Variants in SUGT1 observed in about 807,000 individuals in gnomAD.
The protein encoded by SUGT1 is SGT1 assembly cochaperone of MIS12 kinetochore complex.
Under a neutral mutation model 56.1 loss-of-function variants are expected in SUGT1, and 15 were observed. That is an observed-to-expected ratio of 0.27 (90% CI 0.18 to 0.41). The LOEUF (loss-of-function observed/expected upper bound fraction) is 0.41, where lower values mean the gene tolerates loss of function less well. Among genes scored for constraint, SUGT1 ranks in the 10% least tolerant of loss-of-function variants. SUGT1 has a pLI of 1.00. For missense variants in SUGT1, 347 were observed against 382.2 expected (o/e 0.91, Z 0.77); for synonymous variants, 123 against 128.6 (o/e 0.96, Z 0.30).
At chr13:52,684,006 C>A (rs957576497) in intron 12 of SUGT1, among the ~76,000 whole-genome samples, 12 of 152,100 alleles carry the variant, frequency 7.9e-5, no homozygotes. Flanking sequence ...TCAGCCTCTC[C>A]AGTAGCTGGG....
At chr13:52,665,296 A>G (rs1962648725) in intron 8 of SUGT1, among the ~76,000 whole-genome samples, 2 of 152,164 alleles carry the variant, frequency 1.3e-5, no homozygotes, top group African/African-American at 4.8e-5. Flanking sequence ...TAAAAACTCT[A>G]TTGATGGCAT....
At position 52,690,358 on chromosome 13, in the gene SUGT1, TGTTCCCTCTTTG is replaced by T. The variant is rs1379700925; in HGVS notation, c.*2524_*2535del. ...CTGCTATCTCAATGTAGCTATTAAT[TGTTCCCTCTTTG>T]TTTCTAGACTCCAATTTTCATTTCT... On this transcript the variant is annotated 3_prime_UTR_variant, in exon 13 of 13. Transcript: ENST00000310528. 1 of 151,740 alleles carries T rather than the reference TGTTCCCTCTTTG, an allele frequency of 6.6e-6. No homozygotes were observed. The highest frequency in any genetic ancestry group is 2.4e-5 in the African/African-American group (1 of 41,350). The allele number at this position is 151,740 out of a possible 1,614,324, so 9.4% of individuals were successfully genotyped here. A position where few individuals can be genotyped will look rare whatever the true frequency, so the allele number is the denominator to read the frequency against.
At chr13:52,661,269 T>C (rs1486682745) in intron 5 of SUGT1, among the ~76,000 whole-genome samples, 2 of 152,120 alleles carry the variant, frequency 1.3e-5, no homozygotes, top group Non-Finnish European at 2.9e-5. Context: ...CAGGAAACTT[T>C]TTTTGTTGTT....
intron 4 of SUGT1, among the ~76,000 whole-genome samples, chr13:52,658,731 C>T (rs1962282719): frequency 1.0e-5 from 1 of 99,808 alleles, no homozygotes; most frequent in Non-Finnish European, 1.9e-5. Flanking sequence ...TGATAGATTT[C>T]ACATTGCTTT....
intron 7 of SUGT1, 44 bp from the exon 8 acceptor site, chr13:52,663,991 A>G (rs764761397): frequency 7.5e-6 from 12 of 1,601,782 alleles, no homozygotes; most frequent in Non-Finnish European, 1.0e-5. Flanking sequence ...CTGACTTGTA[A>G]AAATCTTTCT....
chr13:52,676,741 T>C (rs1963158481), intron 11 of SUGT1, among the ~76,000 whole-genome samples: 1 of 152,208 alleles, frequency 6.6e-6, no homozygotes. Context: ...TTGCCTGGAA[T>C]TTGCAGGGCT....
At chr13:52,663,961 T>G (rs1460261220) in intron 7 of SUGT1, 74 bp from the exon 8 acceptor site, 1 of 1,387,340 alleles carries the variant, frequency 7.2e-7, no homozygotes, top group Non-Finnish European at 1.0e-6. Context: ...TACATGCATT[T>G]TAATAATACA....
intron 8 of SUGT1, among the ~76,000 whole-genome samples, chr13:52,664,790 G>A (rs1962619164): frequency 6.6e-6 from 1 of 152,178 alleles, no homozygotes; most frequent in Non-Finnish European, 1.5e-5. Flanking sequence ...GGCAGCAGCA[G>A]GGGTAGGGCA....
chr13:52,669,708 CAT>C (rs147194529), intron 10 of SUGT1, among the ~76,000 whole-genome samples: 3 of 150,198 alleles, frequency 2.0e-5, no homozygotes, highest in South Asian at 4.2e-4. Context: ...TTTTATATAC[CAT>C]ATATATATAT....
intron 11 of SUGT1, among the ~76,000 whole-genome samples, chr13:52,678,905 A>G (rs1963257555): frequency 6.6e-6 from 1 of 151,536 alleles, no homozygotes; most frequent in Non-Finnish European, 1.5e-5. Flanking sequence ...CTGGTCTCAC[A>G]CTTCTGGCCT....
At chr13:52,682,575 T>C (rs1040104863) in intron 12 of SUGT1, among the ~76,000 whole-genome samples, 1 of 152,340 alleles carries the variant, frequency 6.6e-6, no homozygotes, top group East Asian at 1.9e-4. Flanking sequence ...AGGTTCCTTT[T>C]TGTGGGGTGG....
intron 12 of SUGT1, among the ~76,000 whole-genome samples, chr13:52,681,630 TCCCTTG>T (rs777995068): frequency 7.1e-4 from 108 of 152,036 alleles, no homozygotes; most frequent in Non-Finnish European, 1.3e-3. Flanking sequence ...GGCCACAGGA[TCCCTTG>T]AGGCTAGACC....
Position 52,680,175 on chromosome 13 carries a change from G to A in SUGT1, c.900+20G>A. The stretch of plus-strand genomic sequence containing the variant: ...TCCTTTGTAAGAATATAAACTTAAA[G>A]AAATATATATGGGAGCAAATTTTAC... On this transcript the variant is annotated intron_variant, in intron 12 of 12. Coordinates refer to ENST00000310528, the MANE Select transcript of SUGT1 (RefSeq NM_006704.5). The A allele has an allele frequency of 6.5e-7, 1 of 1,545,206 alleles. No homozygotes were observed. The highest frequency in any genetic ancestry group is 8.6e-7 in the Non-Finnish European group (1 of 1,156,372).
chr13:52,677,603 C>T (rs1963200598), intron 11 of SUGT1, among the ~76,000 whole-genome samples: 1 of 152,114 alleles, frequency 6.6e-6, no homozygotes, highest in South Asian at 2.1e-4. Context: ...CTTAGTATTC[C>T]TCCCATTTTG....
intron 4 of SUGT1, among the ~76,000 whole-genome samples, chr13:52,658,827 T>C (rs1184455433): frequency 6.6e-6 from 1 of 151,756 alleles, no homozygotes; most frequent in Non-Finnish European, 1.5e-5. Context: ...ATAGGCTACA[T>C]TTAATGCTAT....
rs78882546 is a variant in SUGT1 at position 52,693,607 on chromosome 13, G to T, written c.*5772G>T. The T allele has an allele frequency of 1.3e-5, 2 of 152,064 alleles. No individual in the cohort carries two copies. Among genetic ancestry groups the T allele is most frequent in the South Asian group, 4.1e-4 (2 of 4,820 alleles). The allele number at this position is 152,064 out of a possible 1,614,324, so 9.4% of individuals were successfully genotyped here. A position where few individuals can be genotyped will look rare whatever the true frequency, so the allele number is the denominator to read the frequency against. On this transcript the variant is annotated 3_prime_UTR_variant, in exon 13 of 13. Transcript: ENST00000310528. ...TCTGTGCCTCAGTTTTTGTGTCTAT[G>T]TAAAGGAGATAATAGGATCCCCCTC... is the stretch of plus-strand genomic sequence containing the variant.
chr13:52,674,053 CTTTTTTTTTT>C (rs765220996), intron 10 of SUGT1, among the ~76,000 whole-genome samples: 7 of 107,962 alleles, frequency 6.5e-5, no homozygotes, highest in Admixed American at 5.8e-4. Flanking sequence ...AGATAGTATA[CTTTTTTTTTT>C]TTTTTTTTTT....
chr13:52,680,205 T>A (rs1963317005), intron 12 of SUGT1, 50 bp downstream of exon 12: 1 of 1,508,550 alleles, frequency 6.6e-7, no homozygotes, highest in Admixed American at 2.6e-5. Flanking sequence ...TTTTACATAT[T>A]TTAAACGAGA....
intron 10 of SUGT1, among the ~76,000 whole-genome samples, chr13:52,670,810 C>T (rs1962905414): frequency 2.0e-5 from 3 of 152,016 alleles, no homozygotes; most frequent in Non-Finnish European, 4.4e-5. Context: ...GAGACTCCGT[C>T]TCCAAAAGAA....
Sources: gnomAD v4.1 joint callset for allele counts (sites outside exome capture counted in the v4.1 genomes callset) on GRCh38, gnomAD v4.1.1 for gene constraint, MANE v1.5 for transcripts, NCBI Gene and HGNC (gene_info 2026-07-23, HGNC 2026-07-21) for gene names.